The following GLT1D1 variants were observed in gnomAD, a reference collection of about 807,000 sequenced individuals.
The protein encoded by GLT1D1 is glycosyltransferase 1 domain-containing protein 1.
In GLT1D1, 21 loss-of-function variants were observed where a neutral mutation model predicts 28.7. That is an observed-to-expected ratio of 0.73 (90% CI 0.52 to 1.05). The LOEUF is 1.05. GLT1D1 is among the 50% of genes least tolerant of loss of function. GLT1D1 has a pLI of 0.00. For missense variants in GLT1D1, 343 were observed against 330.6 expected, an observed-to-expected ratio of 1.04 and a Z score of -0.29; for synonymous variants, 147 against 124.8, an observed-to-expected ratio of 1.18 and a Z score of -1.19.
At position 128,949,255 on chromosome 12, in the gene GLT1D1, G is replaced by A. The variant is rs7960774; in HGVS notation, c.540+1797G>A. Among the ~76,000 whole-genome samples, 232 of 152,222 alleles carry A rather than the reference G, an allele frequency of 1.5e-3. 1 individual carries two copies. The highest frequency in any genetic ancestry group is 5.1e-3 in the African/African-American group (212 of 41,526). On this transcript the variant is annotated intron_variant, in intron 6 of 7. Coordinates refer to ENST00000281703, the MANE Select transcript of GLT1D1 (RefSeq NM_144669.3). ...ACTAGCACACACAGCACTTCACTGC[G>A]GATGAATCGCTGTCAAACCTCATTT...
chr12:128,968,411 C>T (rs1342247615), intron 7 of GLT1D1, among the ~76,000 whole-genome samples: 2 of 151,820 alleles, frequency 1.3e-5, no homozygotes, highest in African/African-American at 4.8e-5. Flanking sequence ...TGGCTCACGC[C>T]TGTCATCCCA....
intron 1 of GLT1D1, among the ~76,000 whole-genome samples, chr12:128,874,247 T>A (rs1956819221): frequency 6.6e-6 from 1 of 150,446 alleles, no homozygotes; most frequent in Non-Finnish European, 1.5e-5. Flanking sequence ...AGTGGCACGA[T>A]CTTGGCTCAC....
chr12:128,903,592 C>G (rs890514160), intron 4 of GLT1D1, among the ~76,000 whole-genome samples: 1 of 151,626 alleles, frequency 6.6e-6, no homozygotes, highest in African/African-American at 2.4e-5. Context: ...AAGTGGTGAG[C>G]TTCTTGAGAA....
chr12:128,949,767 G>A (rs529111470), intron 6 of GLT1D1, among the ~76,000 whole-genome samples: 1 of 151,112 alleles, frequency 6.6e-6, no homozygotes, highest in South Asian at 2.1e-4. Context: ...CACACACACA[G>A]GCACACACAC....
intron 1 of GLT1D1, among the ~76,000 whole-genome samples, chr12:128,872,461 T>C (rs1229048050): frequency 1.3e-5 from 2 of 151,998 alleles, no homozygotes; most frequent in African/African-American, 4.8e-5. Flanking sequence ...CACTAGGAAG[T>C]GTCATGTCAG....
chr12:128,894,366 C>G lies in GLT1D1; in HGVS notation c.324-4870C>G, dbSNP rs151178886. On this transcript the variant is annotated intron_variant, in intron 3 of 7. Transcript: ENST00000281703. ...GAGGAAGAATCTGCCATTTTTGGGTCCTGCTGCAGGGAAGGAATCATCCTT... is the reference window on the plus strand; with the variant it reads ...GAGGAAGAATCTGCCATTTTTGGGTGCTGCTGCAGGGAAGGAATCATCCTT... 3.0e-3 allele frequency among the ~76,000 whole-genome samples: 463 copies of G among 152,110 alleles called. 2 individuals are homozygous for G. The highest frequency in any genetic ancestry group is 0.011 in the African/African-American group (437 of 41,488).
chr12:128,859,274 G>A (rs113906340), intron 1 of GLT1D1, among the ~76,000 whole-genome samples: 11 of 152,272 alleles, frequency 7.2e-5, no homozygotes, highest in Admixed American at 1.3e-4. Context: ...AGGGGGAGGC[G>A]TCTTAGGCAG....
intron 4 of GLT1D1, among the ~76,000 whole-genome samples, chr12:128,941,571 T>TC (rs1875248189): frequency 8.9e-6 from 1 of 111,872 alleles, no homozygotes; most frequent in Non-Finnish European, 1.6e-5. Flanking sequence ...CTCTTTCTCT[T>TC]TTTTTTTTTT....
At chr12:128,873,026 C>T (rs771640774) in intron 1 of GLT1D1, among the ~76,000 whole-genome samples, 1 of 152,094 alleles carries the variant, frequency 6.6e-6, no homozygotes, top group Non-Finnish European at 1.5e-5. Flanking sequence ...TCCCAAACAG[C>T]TGGGATGACG....
intron 6 of GLT1D1, 57 bp from the exon 11 acceptor site, chr12:128,957,488 G>C: frequency 8.3e-7 from 1 of 1,200,042 alleles, no homozygotes; most frequent in African/African-American, 1.5e-5. Context: ...GACTCATCTT[G>C]CCGCAGAGGC....
chr12:128,873,680 C>T (rs1045443992), intron 1 of GLT1D1, among the ~76,000 whole-genome samples: 1 of 152,178 alleles, frequency 6.6e-6, no homozygotes, highest in African/African-American at 2.4e-5. Context: ...CTCAGGTCAA[C>T]ATTTTAATCT....
At chr12:128,947,314 C>T in intron 5 of GLT1D1, 24 bp from the exon 10 acceptor site, 3 of 1,613,440 alleles carry the variant, frequency 1.9e-6, no homozygotes, top group East Asian at 2.2e-5. Context: ...GAATCAGAGC[C>T]ACTCTTCCTG....
intron 3 of GLT1D1, among the ~76,000 whole-genome samples, chr12:128,895,638 T>C (rs949550965): frequency 2.6e-5 from 4 of 152,002 alleles, no homozygotes; most frequent in African/African-American, 9.7e-5. Flanking sequence ...GTAATTTTAG[T>C]AGAGAACGGG....
chr12:128,869,233 C>T (rs2135780561), intron 1 of GLT1D1, among the ~76,000 whole-genome samples: 1 of 152,324 alleles, frequency 6.6e-6, no homozygotes, highest in South Asian at 2.1e-4. Context: ...GTGGCACCGT[C>T]TTGACTCACT....
At chr12:128,947,834 C>T (rs1422753926) in intron 6 of GLT1D1, among the ~76,000 whole-genome samples, 1 of 151,986 alleles carries the variant, frequency 6.6e-6, no homozygotes, top group African/African-American at 2.4e-5. Context: ...CTTTCTTTTC[C>T]ATATGTTCTG....
chr12:128,943,880 C>T (rs1191484015), intron 4 of GLT1D1, among the ~76,000 whole-genome samples: 2 of 152,210 alleles, frequency 1.3e-5, no homozygotes. Flanking sequence ...CATTTCTGAT[C>T]ACATATTTTC....
At chr12:128,914,630 G>A (rs991656197) in intron 4 of GLT1D1, among the ~76,000 whole-genome samples, 1 of 151,924 alleles carries the variant, frequency 6.6e-6, no homozygotes, top group Non-Finnish European at 1.5e-5. Context: ...GACCAGCCTG[G>A]CCAACATGGT....
rs112262341 is a variant in GLT1D1, at chr12:128,875,881, C to T, written c.69-33C>T. The T allele has an allele frequency of 1.1e-3, 1,767 of 1,593,158 alleles. 15 individuals carry two copies. In the African/African-American group the frequency reaches 0.019, roughly 17 times the overall value. On this transcript the variant is annotated intron_variant, in intron 1 of 7. Transcript: ENST00000281703. ...CTGTTACATATTAACATTTTCCCCTCATCTTCTCCTTTCTCTGTATTTTTT... is the reference window on the plus strand; with the variant it reads ...CTGTTACATATTAACATTTTCCCCTTATCTTCTCCTTTCTCTGTATTTTTT...
intron 4 of GLT1D1, among the ~76,000 whole-genome samples, chr12:128,924,798 G>A (rs1873021655): frequency 6.6e-6 from 1 of 152,140 alleles, no homozygotes; most frequent in African/African-American, 2.4e-5. Context: ...CGGGGCAGTG[G>A]GGAGAGTGGG....
Sources: allele counts gnomAD v4.1 joint callset (sites outside exome capture counted in the v4.1 genomes callset), GRCh38; gene constraint gnomAD v4.1.1; transcripts MANE v1.5; gene names NCBI Gene and HGNC (gene_info 2026-07-23, HGNC 2026-07-21).